ELFN2: variants seen among roughly 807,000 people sequenced by gnomAD.
ELFN2 encodes the protein extracellular leucine rich repeat and fibronectin type III domain containing 2, also known as protein phosphatase 1 regulatory subunit 29.
Under a neutral mutation model 45.5 loss-of-function variants are expected in ELFN2, and 17 were observed. The observed-to-expected ratio is 0.37, with a 90% CI of 0.26 to 0.56. The LOEUF (loss-of-function observed/expected upper bound fraction) is 0.56, where lower values mean the gene tolerates loss of function less well. Among genes scored for constraint, ELFN2 ranks in the 20% least tolerant of loss-of-function variants. The pLI, the probability that ELFN2 is intolerant of heterozygous loss-of-function variation, is 0.77. For missense variants in ELFN2, 922 were observed against 1,183.2 expected (o/e 0.78, Z 3.24); for synonymous variants, 550 against 551.5 (o/e 1.00, Z 0.04).
intron 1 of ELFN2, among the ~76,000 whole-genome samples, chr22:37,426,105 G>A (rs886177460): frequency 3.3e-5 from 5 of 150,938 alleles, no homozygotes; most frequent in Admixed American, 6.6e-5. Context: ...CAACACCTGC[G>A]TCTCAGCAAG....
chr22:37,348,490 G>A (rs1162555446), intron 1 of ELFN2, among the ~76,000 whole-genome samples: 3 of 150,858 alleles, frequency 2.0e-5, no homozygotes, highest in Admixed American at 2.0e-4. Context: ...AGATCAGGGA[G>A]GGGTGGCCTT....
rs1931285033 is a variant in ELFN2 at position 37,369,046 on chromosome 22, T to G, written c.*4026A>C. On this transcript the variant is annotated 3_prime_UTR_variant, in exon 3 of 3. Coordinates refer to ENST00000402918, the MANE Select transcript of ELFN2 (RefSeq NM_052906.5). ...AGTCACTAGGGAGCATTGTGTCTTA[T>G]CCCTTCCCTGCACTTAGGCCCCTTA... The G allele has an allele frequency of 1.3e-5, 2 of 152,138 alleles. No individual in the cohort carries two copies. Among genetic ancestry groups the G allele is most frequent in the African/African-American group, 4.8e-5 (2 of 41,398 alleles). 9.4% of individuals were successfully genotyped at this position (152,138 alleles called of 1,614,324 possible). A position where few individuals can be genotyped will look rare whatever the true frequency, so the allele number is the denominator to read the frequency against.
At chr22:37,385,603 C>T (rs1004743880) in intron 2 of ELFN2, among the ~76,000 whole-genome samples, 1 of 152,200 alleles carries the variant, frequency 6.6e-6, no homozygotes, top group Non-Finnish European at 1.5e-5. Flanking sequence ...GCCAGCTGAC[C>T]CCTGCACACT....
chr22:37,361,725 GA>G (rs1256222321), intron 1 of ELFN2, among the ~76,000 whole-genome samples: 11 of 152,138 alleles, frequency 7.2e-5, no homozygotes, highest in Admixed American at 7.2e-4. Flanking sequence ...TCTAAATACT[GA>G]AAAGTTCTCC....
chr22:37,367,955 C>T (rs1931242967), downstream of ELFN2: 6 of 152,634 alleles, frequency 3.9e-5, no homozygotes, highest in South Asian at 1.2e-3. Flanking sequence ...TAGACCATGG[C>T]CCCGTAGCTT....
At chr22:37,343,411 C>G (rs1277135008) in intron 1 of ELFN2, among the ~76,000 whole-genome samples, 1 of 152,118 alleles carries the variant, frequency 6.6e-6, no homozygotes, top group Non-Finnish European at 1.5e-5. Context: ...TCTTGGTCTG[C>G]TGTGAGGGTT....
Position 37,375,633 on chromosome 22 carries a change from C to G in ELFN2, c.-99G>C. ...CAGTCCTCCCTGGGGCCGCCACCAT[C>G]TTGGGGGCGACCCCCAGCACGGGGG... On this transcript the variant is annotated 5_prime_UTR_variant, in exon 3 of 3. Coordinates refer to ENST00000402918, the MANE Select transcript of ELFN2 (RefSeq NM_052906.5). 1.4e-6 allele frequency: 2 copies of G among 1,388,688 alleles called. No individual in the cohort carries two copies. Among genetic ancestry groups the G allele is most frequent in the Non-Finnish European group, 1.9e-6 (2 of 1,044,952 alleles). The allele number at this position is 1,388,688 out of a possible 1,614,324, so 86.0% of individuals were successfully genotyped here.
At chr22:37,365,500 C>CG (rs1482374381), downstream of ELFN2, among the ~76,000 whole-genome samples, 1 of 152,088 alleles carries the variant, frequency 6.6e-6, no homozygotes, top group Admixed American at 6.5e-5. Context: ...GAAGCCTGCC[C>CG]GGGCTGGAGA....
chr22:37,399,225 G>A (rs1932298774), intron 2 of ELFN2, among the ~76,000 whole-genome samples: 1 of 152,054 alleles, frequency 6.6e-6, no homozygotes, highest in Admixed American at 6.5e-5. Context: ...CCCGCCCAGT[G>A]AGTGCTACTT....
At chr22:37,405,089 C>CTTTTTTTTTTTTTTTTTTTTTTTTT (rs1491573989) in intron 2 of ELFN2, among the ~76,000 whole-genome samples, 1 of 121,534 alleles carries the variant, frequency 8.2e-6, no homozygotes, top group Non-Finnish European at 1.6e-5. Context: ...TGAACCTCAG[C>CTTTTTTTTTTTTTTTTTTTTTTTTT]ATTTTTTTTT....
chr22:37,405,722 C>T (rs1932481348), intron 2 of ELFN2, among the ~76,000 whole-genome samples: 1 of 151,952 alleles, frequency 6.6e-6, no homozygotes, highest in Non-Finnish European at 1.5e-5. Flanking sequence ...GACAGGGCTG[C>T]ATGAGACTAC....
rs138304031 is a variant in ELFN2 at position 37,422,946 on chromosome 22, G to T, written c.-614+4352C>A. Among the ~76,000 whole-genome samples, 168 of 128,468 alleles carry T rather than the reference G, an allele frequency of 1.3e-3. 2 individuals carry two copies. Among genetic ancestry groups the T allele is most frequent in the Non-Finnish European group, 2.1e-3 (129 of 62,312 alleles). 84.3% of individuals were successfully genotyped at this position (128,468 alleles called of 152,430 possible). A position where few individuals can be genotyped will look rare whatever the true frequency, so the allele number is the denominator to read the frequency against. On this transcript the variant is annotated intron_variant, in intron 1 of 2. Coordinates refer to ENST00000402918, the MANE Select transcript of ELFN2 (RefSeq NM_052906.5). ...TCATATTGAGGAAACTGGGCCTCGG[G>T]GGGGGGGGGGGAAGTGACTTGCCCA...
intron 2 of ELFN2, among the ~76,000 whole-genome samples, chr22:37,416,806 G>A (rs560023747): frequency 4.6e-5 from 7 of 151,412 alleles, no homozygotes; most frequent in South Asian, 2.1e-4. Context: ...CCTCCGGGGC[G>A]CACCCACCAC....
At chr22:37,410,809 C>T (rs997517203) in intron 2 of ELFN2, among the ~76,000 whole-genome samples, 21 of 152,304 alleles carry the variant, frequency 1.4e-4, no homozygotes, top group African/African-American at 4.8e-4. Flanking sequence ...GGGATGGAAC[C>T]CACGCGTCTA....
chr22:37,375,512 G>A lies in ELFN2; in HGVS notation c.23C>T (p.Ala8Val), dbSNP rs761160606. The change falls in exon 3 of 3, where the codon GCG becomes GTG. Residue 8 changes from alanine (A) to valine (V), a missense_variant. By Grantham distance (64) the Ala-to-Val change is moderately conservative (BLOSUM62 0). Around this residue, in one of 2 missense-constraint regions of ELFN2, gnomAD observed 358 missense variants for 540.4 expected, o/e 0.66. Coordinates refer to ENST00000402918, the MANE Select transcript of ELFN2 (RefSeq NM_052906.5). ...CCGGCACACGCACAGCAGCGCCGCCGCGCACAGCCCCAGGCGCAGCATGGC... is the reference window on the plus strand; with the variant it reads ...CCGGCACACGCACAGCAGCGCCGCCACGCACAGCCCCAGGCGCAGCATGGC... MLRLGLC[A>V]AALLCVCRPG... 5.0e-5 allele frequency: 78 copies of A among 1,565,738 alleles called. 1 individual carries two copies. The highest frequency in any genetic ancestry group is 2.7e-4 in the South Asian group (23 of 86,282).
chr22:37,405,035 C>T (rs565244831), intron 2 of ELFN2, among the ~76,000 whole-genome samples: 1 of 152,106 alleles, frequency 6.6e-6, no homozygotes, highest in East Asian at 1.9e-4. Context: ...TCCTGGGTCC[C>T]CTACTTACCA....
At position 37,395,415 on chromosome 22, in the gene ELFN2, C is replaced by A. The variant is rs555128039; in HGVS notation, c.-462-19419G>T. Among the ~76,000 whole-genome samples the A allele has an allele frequency of 8.5e-5, 13 of 152,302 alleles. No individual in the cohort carries two copies. The South Asian group carries it at 2.1e-3, about 24-fold the overall frequency. On this transcript the variant is annotated intron_variant, in intron 2 of 2. Coordinates refer to ENST00000402918, the MANE Select transcript of ELFN2 (RefSeq NM_052906.5). Reference sequence around the variant, plus strand: ...GGGAGACGGGCACTGTTATTCTACCCATCTGAGACACGAGGGATCAGGCCC... The same window carrying A: ...GGGAGACGGGCACTGTTATTCTACCAATCTGAGACACGAGGGATCAGGCCC...
intron 1 of ELFN2, among the ~76,000 whole-genome samples, chr22:37,355,315 G>C (rs541047293): frequency 1.6e-4 from 24 of 152,338 alleles, no homozygotes; most frequent in African/African-American, 5.5e-4. Context: ...CCTCGAGTCA[G>C]CCTCATAGGT....
At chr22:37,358,342 A>T (rs1402843370) in intron 1 of ELFN2, among the ~76,000 whole-genome samples, 1 of 152,224 alleles carries the variant, frequency 6.6e-6, no homozygotes, top group African/African-American at 2.4e-5. Context: ...TACTCAAGTG[A>T]GTTCAAGCAA....
Sources: allele counts gnomAD v4.1 joint callset (sites outside exome capture counted in the v4.1 genomes callset), GRCh38; gene constraint gnomAD v4.1.1; regional missense constraint gnomAD v4.1.1; transcripts MANE v1.5; gene names NCBI Gene and HGNC (gene_info 2026-07-23, HGNC 2026-07-21).